Variants in LEF1 observed in about 807,000 individuals in gnomAD.
LEF1 encodes lymphoid enhancer binding factor 1.
LEF1 carries 14 observed loss-of-function variants against 51.2 expected under a neutral mutation model. The observed-to-expected ratio is 0.27, with a 90% CI of 0.18 to 0.43. The LOEUF (loss-of-function observed/expected upper bound fraction) is 0.43. Ranked by LOEUF, LEF1 falls within the 20% of genes least tolerant of loss-of-function variation. The pLI is 1.00. For synonymous variants in LEF1, 185 were observed against 183.2 expected (o/e 1.01, Z -0.08); for missense variants, 386 against 512.0 (o/e 0.75, Z 2.37).
chr4:108,162,319 T>C (rs1356936879), intron 3 of LEF1, among the ~76,000 whole-genome samples: 1 of 152,206 alleles, frequency 6.6e-6, no homozygotes, highest in African/African-American at 2.4e-5. Context: ...TAGCAATTTA[T>C]TGGAAAATAA....
chr4:108,062,653 G>A (rs561134207), intron 11 of LEF1, among the ~76,000 whole-genome samples: 2 of 152,124 alleles, frequency 1.3e-5, no homozygotes, highest in Non-Finnish European at 2.9e-5. Flanking sequence ...CAGGAGCAAC[G>A]TGAAGGATGA....
chr4:108,141,081 G>C (rs1395060095), intron 3 of LEF1, among the ~76,000 whole-genome samples: 1 of 152,206 alleles, frequency 6.6e-6, no homozygotes, highest in Non-Finnish European at 1.5e-5. Flanking sequence ...TCAGAGTTTG[G>C]TGTTAGCAGT....
At chr4:108,157,459 C>A (rs1400614358) in intron 3 of LEF1, among the ~76,000 whole-genome samples, 1 of 152,158 alleles carries the variant, frequency 6.6e-6, no homozygotes, top group East Asian at 1.9e-4. Flanking sequence ...CAATAGGCAA[C>A]TTTTTACAGG....
At chr4:108,075,292 G>A (rs575499830) in intron 8 of LEF1, 3 of 152,210 alleles carry the variant, frequency 2.0e-5, no homozygotes, top group Admixed American at 6.5e-5. Context: ...AAGAGGGCCT[G>A]CTTCCCTCCT....
intron 4 of LEF1, among the ~76,000 whole-genome samples, chr4:108,088,745 T>TAATATCTGAAGTAA (rs70949011): frequency 1.3e-5 from 2 of 152,020 alleles, no homozygotes; most frequent in Admixed American, 1.3e-4. Flanking sequence ...TTCAAAAGAA[T>TAATATCTGAAGTAA]AAATCTCCTA....
At chr4:108,141,894 A>C (rs989785145) in intron 3 of LEF1, among the ~76,000 whole-genome samples, 2 of 152,162 alleles carry the variant, frequency 1.3e-5, no homozygotes, top group Admixed American at 1.3e-4. Context: ...GCAAGAATGA[A>C]GGGGAGGGAA....
At chr4:108,078,854 C>T (rs1156803733) in intron 7 of LEF1, among the ~76,000 whole-genome samples, 2 of 152,074 alleles carry the variant, frequency 1.3e-5, no homozygotes, top group Admixed American at 1.3e-4. Flanking sequence ...GACCTTTTCC[C>T]CCAAACAAAT....
intron 4 of LEF1, among the ~76,000 whole-genome samples, chr4:108,084,552 G>C (rs1425118044): frequency 6.6e-6 from 1 of 152,200 alleles, no homozygotes; most frequent in Non-Finnish European, 1.5e-5. Flanking sequence ...GGAATGACAA[G>C]AAGTGCTGTC....
rs1047310088 is a variant in LEF1 at position 108,125,052 on chromosome 4, T to C, written c.415-35795A>G. Among the ~76,000 whole-genome samples the C allele has an allele frequency of 4.6e-5, 7 of 152,368 alleles. No homozygotes were observed. In the Middle Eastern group the frequency reaches 0.02, roughly 444 times the overall value. ...TCTAACATACCAACATATTTTCCCA[T>C]GATAGGCCAGTAATTATGTCTCTGA... is the stretch of plus-strand genomic sequence containing the variant. On this transcript the variant is annotated intron_variant, in intron 3 of 11. Coordinates refer to ENST00000265165, the MANE Select transcript of LEF1 (RefSeq NM_016269.5).
intron 11 of LEF1, among the ~76,000 whole-genome samples, chr4:108,050,945 T>G (rs1168963057): frequency 6.6e-6 from 1 of 152,200 alleles, no homozygotes; most frequent in East Asian, 1.9e-4. Context: ...TCCACCAGTC[T>G]TCTTGTCCCT....
chr4:108,136,732 T>TA (rs1743291847), intron 3 of LEF1, among the ~76,000 whole-genome samples: 1 of 152,162 alleles, frequency 6.6e-6, no homozygotes. Context: ...TCTTTTTCTT[T>TA]AAAAAACATA....
intron 3 of LEF1, among the ~76,000 whole-genome samples, chr4:108,101,098 C>T (rs1174344029): frequency 6.6e-6 from 1 of 152,154 alleles, no homozygotes; most frequent in African/African-American, 2.4e-5. Context: ...AGGAACTTTA[C>T]TGCACAGCAA....
intron 3 of LEF1, among the ~76,000 whole-genome samples, chr4:108,149,653 G>GTATA (rs1176632198): frequency 6.8e-6 from 1 of 146,852 alleles, no homozygotes. Flanking sequence ...ATGTACATGT[G>GTATA]TATATATATA....
At chr4:108,099,615 T>TATATATATATATATATATATATAA (rs1553953129) in intron 3 of LEF1, among the ~76,000 whole-genome samples, 1 of 118,308 alleles carries the variant, frequency 8.5e-6, no homozygotes, top group Non-Finnish European at 1.7e-5. Context: ...TATATATATA[T>TATATATATATATATATATATATAA]ATAAATAATA....
intron 3 of LEF1, among the ~76,000 whole-genome samples, chr4:108,140,674 G>C (rs1273753959): frequency 6.6e-6 from 1 of 152,182 alleles, no homozygotes; most frequent in African/African-American, 2.4e-5. Flanking sequence ...AGCTAGCAAA[G>C]TGCGAGGTTA....
At chr4:108,141,677 C>T (rs1281771409) in intron 3 of LEF1, among the ~76,000 whole-genome samples, 1 of 152,168 alleles carries the variant, frequency 6.6e-6, no homozygotes, top group Non-Finnish European at 1.5e-5. Flanking sequence ...AGCAGTTGTG[C>T]GCCCTGGGAA....
chr4:108,075,916 T>C (rs906158267), intron 8 of LEF1, among the ~76,000 whole-genome samples: 12 of 152,238 alleles, frequency 7.9e-5, no homozygotes, highest in African/African-American at 2.9e-4. Context: ...CAGGATCATA[T>C]ACATTCTTCC....
At chr4:108,056,665 G>C (rs1000980709) in intron 11 of LEF1, among the ~76,000 whole-genome samples, 2 of 152,156 alleles carry the variant, frequency 1.3e-5, no homozygotes, top group African/African-American at 4.8e-5. Context: ...AGGTGTCACA[G>C]GGATTTCTGA....
In LEF1 at chr4:108,098,964, T is replaced by A. The variant is rs572016225; in HGVS notation, c.415-9707A>T. Among the ~76,000 whole-genome samples, 11 of 152,240 alleles carry A rather than the reference T, an allele frequency of 7.2e-5. 1 individual carries two copies. The highest frequency in any genetic ancestry group is 2.6e-4 in the African/African-American group (11 of 41,562). ...AAAGCTATTCTATAGCGTTGTAGAG[T>A]TGTGCTGTCCAATATGGTAGCCATT... is the stretch of plus-strand genomic sequence containing the variant. On this transcript the variant is annotated intron_variant, in intron 3 of 11. Transcript: ENST00000265165.
Sources: gnomAD v4.1 joint callset for allele counts (sites outside exome capture counted in the v4.1 genomes callset) on GRCh38, gnomAD v4.1.1 for gene constraint, MANE v1.5 for transcripts, NCBI Gene and HGNC (gene_info 2026-07-23, HGNC 2026-07-21) for gene names.